LILRA2: variants seen among roughly 807,000 people sequenced by gnomAD.
LILRA2 encodes the protein leukocyte immunoglobulin-like receptor subfamily A member 2.
Under a neutral mutation model 47.9 loss-of-function variants are expected in LILRA2, and 45 were observed. The ratio of observed to expected loss-of-function variants is 0.94; its 90% CI spans 0.74 to 1.20. The LOEUF is 1.20. Ranked by LOEUF, LILRA2 falls within the 50% of genes most tolerant of loss-of-function variation. The probability of loss-of-function intolerance (pLI) is 0.00; values close to 1 mark genes in which losing one functional copy is unlikely to be tolerated. For missense variants in LILRA2, 651 were observed against 598.2 expected, an observed-to-expected ratio of 1.09 and a Z score of -0.92; for synonymous variants, 279 against 249.2, an observed-to-expected ratio of 1.12 and a Z score of -1.13.
chr19:54,574,633 G>T (rs367574178), intron 3 of LILRA2, 51 bp downstream of exon 3: 3 of 1,606,084 alleles, frequency 1.9e-6, no homozygotes, highest in Admixed American at 3.4e-5. Context: ...TCAGGAAGGG[G>T]GTCGGCTCTC....
At chr19:54,579,608 A>C (rs776399195) in intron 6 of LILRA2, among the ~76,000 whole-genome samples, 3 of 152,100 alleles carry the variant, frequency 2.0e-5, no homozygotes, top group Non-Finnish European at 4.4e-5. Flanking sequence ...TTTTGGTTCC[A>C]TATGAACTTT....
At chr19:54,576,139 C>G (rs371935794) in intron 6 of LILRA2, 30 bp downstream of exon 6, 27 of 1,611,394 alleles carry the variant, frequency 1.7e-5, no homozygotes, top group Non-Finnish European at 2.3e-5. Context: ...CCTCTCCGAG[C>G]TCAAAGGCTC....
Position 54,587,037 on chromosome 19 carries a change from A to G in LILRA2, c.1283A>G (p.Gln428Arg). 1.2e-6 allele frequency: 2 copies of G among 1,613,656 alleles called. No individual in the cohort carries two copies. The highest frequency in any genetic ancestry group is 1.7e-5 in the Admixed American group (1 of 59,946). ...GCAGCTGAGACCCTCAGCCCATCAC[A>G]AAACAAGACAGACTCCACGACTAGT... ...SEAAETLSPS[Q>R]NKTDSTTTSL... Residue 428 changes from glutamine to arginine, a missense_variant, in exon 7 of 8, where the codon CAA becomes CGA. Physicochemically the swap from Gln to Arg is conservative, Grantham distance 43. Coordinates refer to ENST00000391738, the MANE Select transcript of LILRA2 (RefSeq NM_001130917.3).
Position 54,576,104 on chromosome 19 carries a change from T to A in LILRA2, c.1250T>A (p.Val417Asp), listed in dbSNP as rs2062419507. 1 of 1,614,172 alleles carries A rather than the reference T, an allele frequency of 6.2e-7. No individual in the cohort carries two copies. Among genetic ancestry groups the A allele is most frequent in the Admixed American group, 1.7e-5 (1 of 60,016 alleles). The change falls in exon 6 of 8, where the codon GTC becomes GAC. Residue 417 changes from valine (V) to aspartate (D), a missense_variant. Physicochemically the swap from Val to Asp is radical, Grantham distance 152. Coordinates refer to ENST00000391738, the MANE Select transcript of LILRA2 (RefSeq NM_001130917.3). ...SLPSDPLELVVSEAAETLSPS... is the reference protein window; with the variant it reads ...SLPSDPLELVDSEAAETLSPS... ...CCCAGTGACCCCCTGGAGCTCGTGGTCTCAGGTGAGGGCCCTGATCTTGTC... is the reference window on the plus strand; with the variant it reads ...CCCAGTGACCCCCTGGAGCTCGTGGACTCAGGTGAGGGCCCTGATCTTGTC...
chr19:54,577,486 C>T lies in LILRA2; in HGVS notation c.1255+1377C>T. 3.1e-6 allele frequency: 4 copies of T among 1,288,850 alleles called. No homozygotes were observed. In the South Asian group the frequency reaches 5.0e-5, roughly 16 times the overall value. The allele number at this position is 1,288,850 out of a possible 1,614,324, so 79.8% of individuals were successfully genotyped here. ...CAAGAGCCCCTGAGTATAAGCCCTT[C>T]ACCCACACCTGCGGGGTCCCTGGGC... On this transcript the variant is annotated intron_variant, in intron 6 of 7. Coordinates refer to ENST00000391738, the MANE Select transcript of LILRA2 (RefSeq NM_001130917.3).
Position 54,574,897 on chromosome 19 carries a change from T to A in LILRA2, c.519T>A (p.Arg173=). Residue 173 remains arginine, a synonymous_variant, in exon 4 of 8, where the codon CGT becomes CGA. Coordinates refer to ENST00000391738, the MANE Select transcript of LILRA2 (RefSeq NM_001130917.3). The part of the protein sequence containing the change: ...PQRLNSHSHA[R]GWSWAIFSVG... ...GCCTGAACTCCCATTCCCATGCCCG[T>A]GGGTGGTCCTGGGCCATCTTCTCCG... 4 of 1,614,242 alleles carry A rather than the reference T, an allele frequency of 2.5e-6. No homozygotes were observed. Among genetic ancestry groups the A allele is most frequent in the Non-Finnish European group, 3.4e-6 (4 of 1,180,036 alleles).
rs200049575 is a variant in LILRA2, at chr19:54,587,313, C to T, written c.1419C>T (p.Ser473=). 134 of 1,614,150 alleles carry T rather than the reference C, an allele frequency of 8.3e-5. 1 individual carries two copies. In the East Asian group the frequency reaches 2.9e-3, roughly 34 times the overall value. ...LGILLFEAQH[S]QRSLQDAAGR The stretch of plus-strand genomic sequence containing the variant: ...TTCTGCTATTTGAGGCTCAGCACAG[C>T]CAGAGAAGCCTACAAGATGCAGCCG... The change falls in exon 8 of 8, where the codon AGC becomes AGT. Residue 473 remains serine, a synonymous_variant. Coordinates refer to ENST00000391738, the MANE Select transcript of LILRA2 (RefSeq NM_001130917.3).
rs988811073 is a variant in LILRA2, at chr19:54,590,046, G to T, written c.*2700G>T. 2.0e-5 allele frequency: 3 copies of T among 151,590 alleles called. No individual in the cohort carries two copies. The highest frequency in any genetic ancestry group is 2.9e-5 in the Non-Finnish European group (2 of 67,928). 9.4% of individuals were successfully genotyped at this position (151,590 alleles called of 1,614,324 possible). A position where few individuals can be genotyped will look rare whatever the true frequency, so the allele number is the denominator to read the frequency against. ...TAGTTAAGACATTAATGTTATTTATGAATTTGTGCACATTAAACTCATGAT... is the reference window on the plus strand; with the variant it reads ...TAGTTAAGACATTAATGTTATTTATTAATTTGTGCACATTAAACTCATGAT... On this transcript the variant is annotated 3_prime_UTR_variant, in exon 8 of 8. Transcript: ENST00000391738.
chr19:54,575,307 C>CT lies in LILRA2; in HGVS notation c.708dup (p.Gly237TrpfsTer11), dbSNP rs2062364560. 6.2e-7 allele frequency: 1 copy of CT among 1,612,534 alleles called. No homozygotes were observed. On this transcript the variant is annotated frameshift_variant, in exon 5 of 8. Transcript: ENST00000391738. LOFTEE classifies it high-confidence loss of function. ...GTGCAGCCAGGTCCTATGGTGGCCC[C>CT]TGGGGAGAGCCTGACCCTCCAGTGT...
chr19:54,573,679 G>C, upstream of LILRA2: 1 of 1,219,834 alleles, frequency 8.2e-7, no homozygotes, highest in South Asian at 1.5e-5. Context: ...AGAGGGCCTG[G>C]TGCCTGCCCC....
intron 6 of LILRA2, among the ~76,000 whole-genome samples, chr19:54,580,213 T>TA (rs1555780223): frequency 0.051 from 7,277 of 142,568 alleles, 804 homozygotes; most frequent in African/African-American, 0.19. Context: ...TTTTTTTTTT[T>TA]ATTATACTCT....
rs960447579 is a variant in LILRA2, at chr19:54,588,086, C to G, written c.*740C>G. On this transcript the variant is annotated 3_prime_UTR_variant, in exon 8 of 8. Transcript: ENST00000391738. ...TCTCACTGAATACAGGGTTGGGAAG[C>G]AAGGGACAGAACTGTCTTCACTAAT... 2.0e-5 allele frequency: 3 copies of G among 152,300 alleles called. No homozygotes were observed. Among genetic ancestry groups the G allele is most frequent in the Admixed American group, 6.5e-5 (1 of 15,298 alleles). 9.4% of individuals were successfully genotyped at this position (152,300 alleles called of 1,614,324 possible).
intron 6 of LILRA2, chr19:54,577,365 TG>T: frequency 1.0e-6 from 1 of 990,504 alleles, no homozygotes; most frequent in Non-Finnish European, 1.3e-6. Context: ...ACTTGGACAC[TG>T]GGAAGATGCT....
chr19:54,580,048 T>C (rs961220605), intron 6 of LILRA2, among the ~76,000 whole-genome samples: 2 of 152,208 alleles, frequency 1.3e-5, no homozygotes, highest in Non-Finnish European at 2.9e-5. Flanking sequence ...TCATGTCATC[T>C]GCAAGCAGAG....
upstream of LILRA2, chr19:54,573,426 G>A (rs970822382): frequency 1.6e-5 from 17 of 1,036,356 alleles, no homozygotes; most frequent in African/African-American, 1.1e-4. Flanking sequence ...CTGGAGGGAC[G>A]ACCGCCATGG....
intron 6 of LILRA2, among the ~76,000 whole-genome samples, chr19:54,577,232 T>A (rs1317252511): frequency 6.6e-6 from 1 of 151,848 alleles, no homozygotes; most frequent in East Asian, 1.9e-4. Flanking sequence ...TCCAATTTTC[T>A]ACCAAAATCA....
At chr19:54,576,754 G>T (rs1341271207) in intron 6 of LILRA2, among the ~76,000 whole-genome samples, 1 of 152,274 alleles carries the variant, frequency 6.6e-6, no homozygotes, top group Non-Finnish European at 1.5e-5. Flanking sequence ...GGGGAGCCAG[G>T]GTCAGGGGAG....
At chr19:54,575,056 T>C (rs188397548) in intron 4 of LILRA2, 23 bp downstream of exon 4, 395 of 1,604,056 alleles carry the variant, frequency 2.5e-4, no homozygotes, top group Middle Eastern at 3.3e-4. Context: ...CAGAATTGCT[T>C]GGAGTTCCCT....
At position 54,575,385 on chromosome 19, in the gene LILRA2, A is replaced by G. The variant is rs1444300739; in HGVS notation, c.785A>G (p.Asp262Gly). 1 of 1,614,056 alleles carries G rather than the reference A, an allele frequency of 6.2e-7. No homozygotes were observed. The highest frequency in any genetic ancestry group is 1.7e-5 in the Admixed American group (1 of 60,016). Residue 262 changes from aspartate (D) to glycine (G), a missense_variant, in exon 5 of 8, where the codon GAC becomes GGC. Transcript: ENST00000391738. The part of the protein sequence containing the change: ...RFVLYKEGER[D>G]FLQRPGWQPQ... ...GTTCTGTATAAGGAGGGAGAACGTGACTTCCTCCAGCGCCCTGGTTGGCAG... is the reference window on the plus strand; with the variant it reads ...GTTCTGTATAAGGAGGGAGAACGTGGCTTCCTCCAGCGCCCTGGTTGGCAG...
Sources: allele counts gnomAD v4.1 joint callset (sites outside exome capture counted in the v4.1 genomes callset), GRCh38; gene constraint gnomAD v4.1.1; transcripts MANE v1.5; gene names NCBI Gene and HGNC (gene_info 2026-07-23, HGNC 2026-07-21).